TCF12: variants seen among roughly 807,000 people sequenced by gnomAD.
TCF12 encodes the protein DNA-binding protein HTF4.
A neutral mutation model predicts 86.0 loss-of-function variants in TCF12; 45 were observed. The ratio of observed to expected loss-of-function variants is 0.52; its 90% CI spans 0.41 to 0.67. TCF12 has a LOEUF of 0.67. Ranked by LOEUF, TCF12 falls within the 30% of genes least tolerant of loss-of-function variation. TCF12 has a pLI of 0.00. For missense variants in TCF12, 881 were observed against 859.9 expected (o/e 1.02, Z -0.31); for synonymous variants, 330 against 299.6 (o/e 1.10, Z -1.05).
At position 57,262,124 on chromosome 15, in the gene TCF12, C is replaced by G. The variant is rs763328415; in HGVS notation, c.1498C>G (p.Leu500Val). 6 of 1,613,334 alleles carry G rather than the reference C, an allele frequency of 3.7e-6. No homozygotes were observed. In the Admixed American group the frequency reaches 1.0e-4, roughly 27 times the overall value. The change falls in exon 17 of 21, where the codon CTC becomes GTC. Residue 500 changes from leucine to valine, a missense_variant. By Grantham distance (32) the Leu-to-Val change is conservative (BLOSUM62 1). Around this residue, in one of 3 missense-constraint regions of TCF12, gnomAD observed 766 missense variants for 718.9 expected, o/e 1.07. Transcript: ENST00000333725. ...AACTCATCGGGAAGACTCTGTCAGT[C>G]TCAATGGCAATCATTCAGTCCTGTC... ...VGTHREDSVS[L>V]NGNHSVLSST... is the part of the protein sequence containing the mutation.
intron 4 of TCF12, among the ~76,000 whole-genome samples, chr15:57,067,979 G>A (rs2069047211): frequency 6.6e-6 from 1 of 152,116 alleles, no homozygotes; most frequent in Non-Finnish European, 1.5e-5. Context: ...CAGGCATAAA[G>A]GCCAGAGAAT....
intron 5 of TCF12, among the ~76,000 whole-genome samples, chr15:57,155,571 G>T (rs965676986): frequency 1.3e-5 from 2 of 152,166 alleles, no homozygotes; most frequent in Non-Finnish European, 2.9e-5. Flanking sequence ...GAGGTGGGAG[G>T]CTGACTTGAG....
At chr15:57,252,310 C>A in intron 14 of TCF12, 111 bp from the exon 15 acceptor site, 1 of 730,116 alleles carries the variant, frequency 1.4e-6, no homozygotes, top group Non-Finnish European at 2.3e-6. Flanking sequence ...CAAGTCTTGG[C>A]GTTAACTTTA....
chr15:57,170,172 A>G (rs759121907), intron 6 of TCF12, among the ~76,000 whole-genome samples: 13 of 152,174 alleles, frequency 8.5e-5, no homozygotes, highest in Non-Finnish European at 1.6e-4. Flanking sequence ...TGTTTTGACT[A>G]TATGACTATA....
intron 3 of TCF12, among the ~76,000 whole-genome samples, chr15:56,979,807 C>T (rs144878241): frequency 1.5e-4 from 23 of 152,264 alleles, no homozygotes; most frequent in African/African-American, 5.5e-4. Flanking sequence ...GTTGTGAATT[C>T]TTAATGTATG....
chr15:57,131,737 A>G (rs1238390945), intron 5 of TCF12, among the ~76,000 whole-genome samples: 2 of 152,226 alleles, frequency 1.3e-5, no homozygotes, highest in Non-Finnish European at 2.9e-5. Flanking sequence ...GGGAGATTAT[A>G]AATGAGGAGA....
chr15:57,194,097 A>G (rs985153123), intron 7 of TCF12, among the ~76,000 whole-genome samples: 4 of 152,198 alleles, frequency 2.6e-5, no homozygotes, highest in Non-Finnish European at 4.4e-5. Flanking sequence ...CTAATACACT[A>G]TTAAGTTCAG....
In TCF12 at chr15:56,984,553, T is replaced by C. The variant is rs191634807; in HGVS notation, c.148+63455T>C. 3.5e-3 allele frequency among the ~76,000 whole-genome samples: 538 copies of C among 152,156 alleles called. 5 individuals carry two copies. Among genetic ancestry groups the C allele is most frequent in the African/African-American group, 0.012 (512 of 41,508 alleles). ...AGAGTGTTCTGTGTACCGTACAAAA[T>C]AATGGTAAAAAAAATTCAAACGGTC... On this transcript the variant is annotated intron_variant, in intron 3 of 20. Coordinates refer to ENST00000333725, the MANE Select transcript of TCF12 (RefSeq NM_207037.2).
At chr15:56,925,978 T>C (rs1022265628) in intron 3 of TCF12, among the ~76,000 whole-genome samples, 8 of 152,240 alleles carry the variant, frequency 5.3e-5, no homozygotes, top group Non-Finnish European at 8.8e-5. Context: ...CTAGCAGTTT[T>C]TGGGAAGATG....
chr15:57,215,207 G>C (rs2058282945), intron 8 of TCF12, among the ~76,000 whole-genome samples: 1 of 152,106 alleles, frequency 6.6e-6, no homozygotes. Flanking sequence ...TTTGATGTCT[G>C]ACTTAATTAG....
intron 3 of TCF12, among the ~76,000 whole-genome samples, chr15:56,997,268 A>G (rs1265960419): frequency 6.6e-6 from 1 of 152,260 alleles, no homozygotes; most frequent in Non-Finnish European, 1.5e-5. Flanking sequence ...TGTGGTACAC[A>G]TACGCAATGG....
At chr15:56,956,643 A>G (rs190363075) in intron 3 of TCF12, among the ~76,000 whole-genome samples, 209 of 152,260 alleles carry the variant, frequency 1.4e-3, no homozygotes, top group Non-Finnish European at 2.5e-3. Context: ...TTTTAAGAAC[A>G]TATTTTTCCT....
At chr15:57,160,335 G>C (rs1443506478) in intron 5 of TCF12, among the ~76,000 whole-genome samples, 1 of 152,134 alleles carries the variant, frequency 6.6e-6, no homozygotes, top group East Asian at 1.9e-4. Context: ...GGGGGGAAAA[G>C]TCCCTTATAA....
At position 57,165,163 on chromosome 15, in the gene TCF12, T is replaced by TGC. The variant is rs1555524413; in HGVS notation, c.326-1237_326-1236dup. Among the ~76,000 whole-genome samples, 403 of 149,386 alleles carry TGC rather than the reference T, an allele frequency of 2.7e-3. 2 individuals carry two copies. Among genetic ancestry groups the TGC allele is most frequent in the African/African-American group, 6.6e-3 (265 of 39,898 alleles). ...GTGTGTGTGTGTGTGTGTGTGTGTG[T>TGC]GCGTACACGAGATGTGCAAGGATAT... On this transcript the variant is annotated intron_variant, in intron 5 of 20. Coordinates refer to ENST00000333725, the MANE Select transcript of TCF12 (RefSeq NM_207037.2).
intron 19 of TCF12, among the ~76,000 whole-genome samples, chr15:57,280,263 G>A (rs1463249989): frequency 1.2e-4 from 18 of 152,170 alleles, no homozygotes; most frequent in Non-Finnish European, 2.9e-5. Flanking sequence ...TACTTATTAA[G>A]AAAGCAGCTC....
At chr15:57,111,337 G>A (rs1447150803) in intron 5 of TCF12, among the ~76,000 whole-genome samples, 1 of 152,056 alleles carries the variant, frequency 6.6e-6, no homozygotes, top group Non-Finnish European at 1.5e-5. Context: ...AAAATTTCGG[G>A]ATCACTGTGG....
At chr15:57,060,475 C>T (rs1249109003) in intron 3 of TCF12, among the ~76,000 whole-genome samples, 1 of 152,110 alleles carries the variant, frequency 6.6e-6, no homozygotes, top group Non-Finnish European at 1.5e-5. Context: ...CCCTTTTAAT[C>T]CTGTTGAATA....
chr15:57,275,936 C>T (rs1238002741), intron 19 of TCF12, among the ~76,000 whole-genome samples: 1 of 152,156 alleles, frequency 6.6e-6, no homozygotes, highest in Non-Finnish European at 1.5e-5. Flanking sequence ...CCTGTCAAAC[C>T]CTAAGTCCCC....
At chr15:57,177,875 A>C (rs1300294800) in intron 6 of TCF12, among the ~76,000 whole-genome samples, 2 of 151,822 alleles carry the variant, frequency 1.3e-5, no homozygotes, top group Non-Finnish European at 2.9e-5. Flanking sequence ...CAGTCGGCTA[A>C]TTTTTATATT....
Sources: gnomAD v4.1 joint callset for allele counts (sites outside exome capture counted in the v4.1 genomes callset) on GRCh38, gnomAD v4.1.1 for gene constraint, gnomAD v4.1.1 regional missense constraint, MANE v1.5 for transcripts, NCBI Gene and HGNC (gene_info 2026-07-23, HGNC 2026-07-21) for gene names.